HCN1: variants seen among roughly 807,000 people sequenced by gnomAD.
HCN1 encodes hyperpolarization activated cyclic nucleotide gated potassium channel 1.
A neutral mutation model predicts 78.9 loss-of-function variants in HCN1; 13 were observed. The ratio of observed to expected loss-of-function variants is 0.16; its 90% CI spans 0.11 to 0.26. The LOEUF (loss-of-function observed/expected upper bound fraction) is 0.26. Ranked by LOEUF, HCN1 falls within the 10% of genes least tolerant of loss-of-function variation. The pLI, the probability that HCN1 is intolerant of heterozygous loss-of-function variation, is 1.00. For synonymous variants in HCN1, 552 were observed against 455.5 expected (o/e 1.21, Z -2.70); for missense variants, 810 against 1,154.3 (o/e 0.70, Z 4.32).
At chr5:45,562,867 C>T (rs113278542) in intron 2 of HCN1, among the ~76,000 whole-genome samples, 85 of 152,046 alleles carry the variant, frequency 5.6e-4, no homozygotes, top group Non-Finnish European at 9.1e-4. Context: ...TCAGAATGGA[C>T]GAATAATAAA....
chr5:45,533,827 T>A (rs1332403847), intron 2 of HCN1, among the ~76,000 whole-genome samples: 1 of 152,128 alleles, frequency 6.6e-6, no homozygotes, highest in African/African-American at 2.4e-5. Context: ...AACTACACAA[T>A]TCCTAGTGGT....
At chr5:45,397,618 C>T (rs896950683) in intron 3 of HCN1, among the ~76,000 whole-genome samples, 7 of 151,318 alleles carry the variant, frequency 4.6e-5, no homozygotes, top group African/African-American at 1.7e-4. Context: ...GGCTCTGGTT[C>T]AAAATGCGGG....
intron 7 of HCN1, among the ~76,000 whole-genome samples, chr5:45,266,773 A>G (rs1470098040): frequency 6.7e-6 from 1 of 148,202 alleles, no homozygotes; most frequent in Non-Finnish European, 1.5e-5. Flanking sequence ...CAGTGGTACC[A>G]TCTTGGTTCA....
intron 5 of HCN1, among the ~76,000 whole-genome samples, chr5:45,345,787 C>G (rs1746689166): frequency 6.6e-6 from 1 of 152,206 alleles, no homozygotes; most frequent in South Asian, 2.1e-4. Context: ...TCTTCTGAAC[C>G]CTCCAAACGG....
chr5:45,499,617 G>A (rs996918882), intron 2 of HCN1, among the ~76,000 whole-genome samples: 1 of 151,974 alleles, frequency 6.6e-6, no homozygotes, highest in Non-Finnish European at 1.5e-5. Context: ...TCCTCCCCCT[G>A]TGTTTTGATT....
At chr5:45,476,384 G>A (rs953914795) in intron 2 of HCN1, among the ~76,000 whole-genome samples, 2 of 152,038 alleles carry the variant, frequency 1.3e-5, no homozygotes, top group African/African-American at 4.8e-5. Context: ...ACAGCCTCCA[G>A]AACTGTAAGA....
chr5:45,399,191 C>A (rs543897746), intron 3 of HCN1, among the ~76,000 whole-genome samples: 2 of 152,276 alleles, frequency 1.3e-5, no homozygotes, highest in East Asian at 1.9e-4. Flanking sequence ...TACAGATAGT[C>A]ACTCCTAATC....
rs769262561 is a variant in HCN1, at chr5:45,525,067, AG to A, written c.850-63061del. Among the ~76,000 whole-genome samples the A allele has an allele frequency of 1.1e-4, 17 of 152,238 alleles. No homozygotes were observed. In the East Asian group the frequency reaches 1.5e-3, roughly 14 times the overall value. Reference sequence around the variant, plus strand: ...AATTTATTGAGAGTTTTTAGCATGAAGGGCTGTTGAATTTTGTCAAAGGCCT... The same window carrying A: ...AATTTATTGAGAGTTTTTAGCATGAAGGCTGTTGAATTTTGTCAAAGGCCT... On this transcript the variant is annotated intron_variant, in intron 2 of 7. Transcript: ENST00000303230.
intron 4 of HCN1, among the ~76,000 whole-genome samples, chr5:45,371,332 C>A (rs1246926110): frequency 6.6e-6 from 1 of 151,856 alleles, no homozygotes; most frequent in Non-Finnish European, 1.5e-5. Flanking sequence ...TCAATGAATC[C>A]TGGAGTTGGT....
At chr5:45,286,648 T>C (rs915030024) in intron 6 of HCN1, among the ~76,000 whole-genome samples, 4 of 151,996 alleles carry the variant, frequency 2.6e-5, no homozygotes, top group Admixed American at 6.6e-5. Context: ...ATTAGACACA[T>C]CTTTTGAGAT....
At chr5:45,372,181 A>ATATGTATTATATTAATTGTATTATAT (rs1747404148) in intron 4 of HCN1, among the ~76,000 whole-genome samples, 1 of 68,238 alleles carries the variant, frequency 1.5e-5, no homozygotes, top group African/African-American at 6.7e-5. Flanking sequence ...TTATATTATA[A>ATATGTATTATATTAATTGTATTATAT]TATAATACAA....
intron 2 of HCN1, among the ~76,000 whole-genome samples, chr5:45,595,035 C>G (rs1744458399): frequency 6.6e-6 from 1 of 152,088 alleles, no homozygotes; most frequent in Non-Finnish European, 1.5e-5. Flanking sequence ...TGTGGAATGA[C>G]TTTATCCAGG....
intron 2 of HCN1, among the ~76,000 whole-genome samples, chr5:45,479,113 C>T (rs1274414433): frequency 7.4e-4 from 106 of 143,992 alleles, no homozygotes; most frequent in African/African-American, 2.6e-3. Context: ...GGCTACAGAG[C>T]GAGACTGTTT....
At chr5:45,444,174 A>G (rs1740737728) in intron 3 of HCN1, among the ~76,000 whole-genome samples, 1 of 152,178 alleles carries the variant, frequency 6.6e-6, no homozygotes, top group African/African-American at 2.4e-5. Context: ...CTGCTTTCTT[A>G]ATATCTAAAT....
At chr5:45,618,255 G>C (rs1450747939) in intron 2 of HCN1, among the ~76,000 whole-genome samples, 1 of 151,948 alleles carries the variant, frequency 6.6e-6, no homozygotes, top group Non-Finnish European at 1.5e-5. Flanking sequence ...GGTGTGTGTT[G>C]TGGTGAGGGG....
intron 2 of HCN1, among the ~76,000 whole-genome samples, chr5:45,621,011 C>A (rs540861654): frequency 3.9e-5 from 6 of 152,132 alleles, no homozygotes; most frequent in Non-Finnish European, 7.4e-5. Flanking sequence ...AAACTGAGAT[C>A]ACAGATGTAA....
intron 2 of HCN1, among the ~76,000 whole-genome samples, chr5:45,465,479 A>C (rs922833194): frequency 2.0e-5 from 3 of 152,060 alleles, no homozygotes; most frequent in African/African-American, 7.2e-5. Context: ...TTTTTCAGCC[A>C]GGTGCGGGGG....
At chr5:45,477,896 T>C (rs562795732) in intron 2 of HCN1, among the ~76,000 whole-genome samples, 1 of 152,266 alleles carries the variant, frequency 6.6e-6, no homozygotes, top group Admixed American at 6.5e-5. Flanking sequence ...AGCATAGTGG[T>C]TAACTTGGAA....
At chr5:45,602,314 T>A (rs1744641802) in intron 2 of HCN1, among the ~76,000 whole-genome samples, 1 of 152,052 alleles carries the variant, frequency 6.6e-6, no homozygotes, top group African/African-American at 2.4e-5. Flanking sequence ...CCTAATCCAA[T>A]ATGACCAGTA....
Sources: allele counts gnomAD v4.1 joint callset (sites outside exome capture counted in the v4.1 genomes callset), GRCh38; gene constraint gnomAD v4.1.1; transcripts MANE v1.5; gene names NCBI Gene and HGNC (gene_info 2026-07-23, HGNC 2026-07-21).